GRID2: variants seen among roughly 807,000 people sequenced by gnomAD.
GRID2 encodes glutamate receptor ionotropic, delta-2.
In GRID2, 33 loss-of-function variants were observed where a neutral mutation model predicts 114.8. The ratio of observed to expected loss-of-function variants is 0.29; its 90% CI spans 0.22 to 0.38. The LOEUF (loss-of-function observed/expected upper bound fraction) is 0.38. Among genes scored for constraint, GRID2 ranks in the 10% least tolerant of loss-of-function variants. The pLI is 1.00. For missense variants in GRID2, 1,184 were observed against 1,257.7 expected (o/e 0.94, Z 0.89); for synonymous variants, 505 against 449.9 (o/e 1.12, Z -1.55).
chr4:93,249,788 C>A (rs1401365138), intron 8 of GRID2, among the ~76,000 whole-genome samples: 1 of 151,768 alleles, frequency 6.6e-6, no homozygotes, highest in African/African-American at 2.4e-5. Flanking sequence ...ATCAAAACCA[C>A]AACGAGATAC....
At chr4:92,451,873 A>C (rs939348464) in intron 1 of GRID2, among the ~76,000 whole-genome samples, 8 of 152,178 alleles carry the variant, frequency 5.3e-5, no homozygotes, top group African/African-American at 1.9e-4. Flanking sequence ...AGACTTTGGG[A>C]GGGTCACAAG....
intron 9 of GRID2, among the ~76,000 whole-genome samples, chr4:93,404,676 G>A (rs2149343215): frequency 6.6e-6 from 1 of 152,232 alleles, no homozygotes; most frequent in Middle Eastern, 3.4e-3. Context: ...AGACTGTTAA[G>A]GGAGAGCATG....
chr4:92,876,743 ACCC>A (rs1476841416), intron 2 of GRID2, among the ~76,000 whole-genome samples: 2 of 152,156 alleles, frequency 1.3e-5, no homozygotes, highest in Non-Finnish European at 2.9e-5. Context: ...TTTTTACAAA[ACCC>A]ACAGGGAGCA....
chr4:93,653,131 G>A (rs1199325710), intron 14 of GRID2, among the ~76,000 whole-genome samples: 1 of 152,138 alleles, frequency 6.6e-6, no homozygotes, highest in Non-Finnish European at 1.5e-5. Context: ...TAATCTAGAT[G>A]AGAGATGATA....
At chr4:93,051,190 T>C (rs1228305126) in intron 2 of GRID2, among the ~76,000 whole-genome samples, 4 of 152,040 alleles carry the variant, frequency 2.6e-5, no homozygotes, top group Non-Finnish European at 5.9e-5. Context: ...TAGGCACATA[T>C]AAAAATAAGG....
chr4:93,745,448 A>T (rs906970093), intron 14 of GRID2, among the ~76,000 whole-genome samples: 2 of 152,180 alleles, frequency 1.3e-5, no homozygotes, highest in Non-Finnish European at 2.9e-5. Flanking sequence ...AGGCTGATGC[A>T]CATTTATAAA....
chr4:93,208,694 T>G (rs1257235651), intron 5 of GRID2, among the ~76,000 whole-genome samples: 3 of 152,022 alleles, frequency 2.0e-5, no homozygotes, highest in Non-Finnish European at 2.9e-5. Flanking sequence ...GTAAAGACGC[T>G]GAAAACACCT....
intron 4 of GRID2, among the ~76,000 whole-genome samples, chr4:93,115,398 T>TATAGACACACACACACAC (rs1217656948): frequency 6.3e-5 from 4 of 63,564 alleles, no homozygotes; most frequent in Admixed American, 2.6e-4. Flanking sequence ...TCCAAGTATA[T>TATAGACACACACACACAC]ACAGACACAC....
intron 2 of GRID2, among the ~76,000 whole-genome samples, chr4:92,835,294 A>G (rs1312768603): frequency 1.3e-5 from 2 of 152,164 alleles, no homozygotes; most frequent in East Asian, 1.9e-4. Flanking sequence ...TAAGCATTCT[A>G]TGCATACATT....
chr4:92,764,285 A>G (rs138657981), intron 2 of GRID2, among the ~76,000 whole-genome samples: 150 of 152,296 alleles, frequency 9.8e-4, no homozygotes, highest in Middle Eastern at 6.8e-3. Flanking sequence ...AAAGTCAAAG[A>G]TTTTGAAGCA....
chr4:92,555,391 C>T (rs1266972708), intron 1 of GRID2, among the ~76,000 whole-genome samples: 1 of 152,036 alleles, frequency 6.6e-6, no homozygotes, highest in Non-Finnish European at 1.5e-5. Flanking sequence ...ACAGATATTT[C>T]AAGTAATATG....
At chr4:92,845,629 C>T (rs373985650) in intron 2 of GRID2, among the ~76,000 whole-genome samples, 2 of 152,194 alleles carry the variant, frequency 1.3e-5, no homozygotes, top group East Asian at 1.9e-4. Flanking sequence ...ACACTCCCTA[C>T]GAGTCCAATG....
chr4:93,540,116 T>C (rs1477614240), intron 13 of GRID2, among the ~76,000 whole-genome samples: 1 of 152,076 alleles, frequency 6.6e-6, no homozygotes, highest in Non-Finnish European at 1.5e-5. Context: ...TTGGAAATTT[T>C]CTATTCTTAT....
At chr4:92,852,558 C>A (rs1218100798) in intron 2 of GRID2, among the ~76,000 whole-genome samples, 1 of 151,860 alleles carries the variant, frequency 6.6e-6, no homozygotes, top group African/African-American at 2.4e-5. Context: ...CTTCAGTGAC[C>A]CCACTCTGAA....
At chr4:93,297,869 G>A (rs556775523) in intron 8 of GRID2, among the ~76,000 whole-genome samples, 7 of 152,160 alleles carry the variant, frequency 4.6e-5, no homozygotes, top group African/African-American at 1.7e-4. Context: ...ATTCACTTAG[G>A]AAATCAGATG....
rs1731317079 is a variant in GRID2, at chr4:92,411,649, GTGTGTGTATATA to G, written c.88+106907_88+106918del. 3.2e-5 allele frequency among the ~76,000 whole-genome samples: 3 copies of G among 94,912 alleles called. 1 individual carries two copies. Among genetic ancestry groups the G allele is most frequent in the Non-Finnish European group, 6.3e-5 (3 of 47,646 alleles). The allele number at this position is 94,912 out of a possible 152,430, so 62.3% of individuals were successfully genotyped here. A position where few individuals can be genotyped will look rare whatever the true frequency, so the allele number is the denominator to read the frequency against. On this transcript the variant is annotated intron_variant, in intron 1 of 15. Coordinates refer to ENST00000282020, the MANE Select transcript of GRID2 (RefSeq NM_001510.4). ...CATGTGTGTGTGTGTGTGTGTGTGT[GTGTGTGTATATA>G]TATATATATATATATATGAAATATA... is the stretch of plus-strand genomic sequence containing the variant.
intron 2 of GRID2, among the ~76,000 whole-genome samples, chr4:92,645,592 A>G (rs1385201025): frequency 1.3e-5 from 2 of 151,706 alleles, no homozygotes; most frequent in Non-Finnish European, 2.9e-5. Flanking sequence ...TATCCAGATC[A>G]GGATATAGAT....
intron 2 of GRID2, among the ~76,000 whole-genome samples, chr4:92,846,698 A>G (rs1200897816): frequency 1.3e-5 from 2 of 152,100 alleles, no homozygotes; most frequent in Non-Finnish European, 2.9e-5. Flanking sequence ...TTCTGGGAAG[A>G]TGAAGTGACG....
In GRID2 at chr4:92,552,730, G is replaced by A. The variant is rs559527601; in HGVS notation, c.89-37401G>A. 1.8e-4 allele frequency among the ~76,000 whole-genome samples: 28 copies of A among 152,276 alleles called. No homozygotes were observed. The East Asian group carries it at 5.4e-3, about 29-fold the overall frequency. On this transcript the variant is annotated intron_variant, in intron 1 of 15. Coordinates refer to ENST00000282020, the MANE Select transcript of GRID2 (RefSeq NM_001510.4). ...AGTTGAAGTTTTGGGGAGCAACAAA[G>A]AATGTCCAGACGAAGGGAAGGCAAA...
Sources: gnomAD v4.1 joint callset for allele counts (sites outside exome capture counted in the v4.1 genomes callset) on GRCh38, gnomAD v4.1.1 for gene constraint, MANE v1.5 for transcripts, NCBI Gene and HGNC (gene_info 2026-07-23, HGNC 2026-07-21) for gene names.